The following TCTN2 variants were observed in gnomAD, a reference collection of about 807,000 sequenced individuals.
TCTN2 encodes the protein tectonic-2.
In TCTN2, 66 loss-of-function variants were observed where a neutral mutation model predicts 83.4. That is an observed-to-expected ratio of 0.79 (90% confidence interval 0.65 to 0.97). The LOEUF is 0.97. TCTN2 is among the 50% of genes least tolerant of loss of function. The pLI, the probability that TCTN2 is intolerant of heterozygous loss-of-function variation, is 0.00. For missense variants in TCTN2, 794 were observed against 858.1 expected (o/e 0.93, Z 0.93); for synonymous variants, 301 against 326.7 (o/e 0.92, Z 0.85).
In TCTN2 at chr12:123,706,822, T is replaced by C. The variant is rs1223754823; in HGVS notation, c.1866T>C (p.Ile622=). ...PISASVQFIK[I]PAQLPHPLTR... ...GTGCATCCGTCCAGTTTATTAAAAT[T>C]CCTGCACAGTTACCCCACCCCCTGA... is the stretch of plus-strand genomic sequence containing the variant. The change falls in exon 16 of 18, where the codon ATT becomes ATC. Residue 622 remains isoleucine (I), a synonymous_variant. Transcript: ENST00000303372. 1 of 1,614,176 alleles carries C rather than the reference T, an allele frequency of 6.2e-7. No homozygotes were observed. Among genetic ancestry groups the C allele is most frequent in the Non-Finnish European group, 8.5e-7 (1 of 1,180,030 alleles).
At chr12:123,687,132 AACCCCTC>A in intron 6 of TCTN2, 97 bp downstream of exon 6, 1 of 1,413,512 alleles carries the variant, frequency 7.1e-7, no homozygotes, top group South Asian at 1.2e-5. Flanking sequence ...CGTTTTTCCC[AACCCCTC>A]TCCAGAGGTT....
In TCTN2 at chr12:123,704,446, A is replaced by G. The variant is rs1053280889; in HGVS notation, c.1613-86A>G. On this transcript the variant is annotated intron_variant, in intron 14 of 17. Transcript: ENST00000303372. ...CTCATTAATGTGATGCCTGCCTGAT[A>G]TTATTCCCCATTTTGGTTATTACGA... The G allele has an allele frequency of 3.6e-6, 5 of 1,393,896 alleles. No individual in the cohort carries two copies. In the African/African-American group the frequency reaches 5.7e-5, roughly 16 times the overall value. 86.3% of individuals were successfully genotyped at this position (1,393,896 alleles called of 1,614,324 possible).
At chr12:123,676,247 C>T (rs1407363398) in intron 4 of TCTN2, among the ~76,000 whole-genome samples, 1 of 151,858 alleles carries the variant, frequency 6.6e-6, no homozygotes, top group Non-Finnish European at 1.5e-5. Flanking sequence ...TCCATGTACT[C>T]CAGCCTGGTC....
At position 123,699,871 on chromosome 12, in the gene TCTN2, T is replaced by G. The variant is rs1956152313; in HGVS notation, c.1612+61T>G. On this transcript the variant is annotated intron_variant, in intron 14 of 17. Transcript: ENST00000303372. ...TGGTTGCTGTGACTACCAACTGTAG[T>G]CGCAGCATTAGAGCCCAACCCAGTA... The G allele has an allele frequency of 2.2e-6, 3 of 1,364,274 alleles. No individual in the cohort carries two copies. The East Asian group carries it at 6.9e-5, about 31-fold the overall frequency. 84.5% of individuals were successfully genotyped at this position (1,364,274 alleles called of 1,614,324 possible).
chr12:123,679,144 C>T (rs375892467), intron 4 of TCTN2, 45 bp from the exon 5 acceptor site: 124 of 1,511,032 alleles, frequency 8.2e-5, no homozygotes, highest in South Asian at 5.6e-4. Flanking sequence ...TGTGCTTTGT[C>T]GGAATGTTTC....
Position 123,707,665 on chromosome 12 carries a change from C to G in TCTN2, c.2046C>G (p.Ala682=), listed in dbSNP as rs760772823. Residue 682 remains alanine, a synonymous_variant, in exon 18 of 18, where the codon GCC becomes GCG. Transcript: ENST00000303372. ...GLLLLLFLTL[A]LFLSNPWTRI... ...TGTTGCTGTTGTTCCTCACATTGGCCTTGTTCCTCAGCAACCCCTGGACCA... is the reference window on the plus strand; with the variant it reads ...TGTTGCTGTTGTTCCTCACATTGGCGTTGTTCCTCAGCAACCCCTGGACCA... 2 of 1,614,166 alleles carry G rather than the reference C, an allele frequency of 1.2e-6. No individual in the cohort carries two copies. Among genetic ancestry groups the G allele is most frequent in the Non-Finnish European group, 1.7e-6 (2 of 1,180,032 alleles).
intron 11 of TCTN2, chr12:123,695,748 C>T (rs1956100076): frequency 6.2e-6 from 1 of 161,972 alleles, no homozygotes; most frequent in African/African-American, 2.4e-5. Flanking sequence ...GAATTCCTGA[C>T]CTCAAGTGAT....
intron 5 of TCTN2, among the ~76,000 whole-genome samples, chr12:123,684,601 T>C (rs999741590): frequency 2.6e-5 from 4 of 151,840 alleles, no homozygotes; most frequent in Non-Finnish European, 5.9e-5. Flanking sequence ...AGTTTTGCCA[T>C]GTTCACCAGG....
chr12:123,690,714 C>A, intron 8 of TCTN2, 40 bp downstream of exon 8: 3 of 1,609,598 alleles, frequency 1.9e-6, no homozygotes, highest in Non-Finnish European at 2.5e-6. Context: ...CAGGCCCAAA[C>A]ATGAATATAA....
chr12:123,677,188 A>G (rs1198390970), intron 4 of TCTN2, among the ~76,000 whole-genome samples: 1 of 151,302 alleles, frequency 6.6e-6, no homozygotes, highest in East Asian at 1.9e-4. Context: ...CTCAAAAAAA[A>G]ATCAATAAAG....
rs11337232 is a variant in TCTN2 at position 123,696,174 on chromosome 12, A to AT, written c.1313-229dup. 14,150 of 430,506 alleles carry AT rather than the reference A, an allele frequency of 0.033. 41 individuals carry two copies. Among genetic ancestry groups the AT allele is most frequent in the South Asian group, 0.056 (2,188 of 39,034 alleles). The allele number at this position is 430,506 out of a possible 1,614,324, so 26.7% of individuals were successfully genotyped here. ...GGTATTCTTTTTGTGATAACAATGT[A>AT]TTTTTTTTTTTTACATAGTCTGTTG... On this transcript the variant is annotated intron_variant, in intron 11 of 17. Coordinates refer to ENST00000303372, the MANE Select transcript of TCTN2 (RefSeq NM_024809.5).
chr12:123,683,092 C>T (rs575535121), intron 5 of TCTN2, among the ~76,000 whole-genome samples: 35 of 151,204 alleles, frequency 2.3e-4, no homozygotes, highest in African/African-American at 7.3e-4. Context: ...ACGTGGTGGC[C>T]GGTGCCTGTA....
intron 12 of TCTN2, 69 bp downstream of exon 12, chr12:123,696,564 A>G (rs1270823894): frequency 7.3e-7 from 1 of 1,369,888 alleles, no homozygotes; most frequent in African/African-American, 1.4e-5. Context: ...CATATTTTGA[A>G]TCTAATCAAG....
Position 123,688,130 on chromosome 12 carries a change from G to C in TCTN2, c.844G>C (p.Gly282Arg), listed in dbSNP as rs913341045. Residue 282 changes from glycine to arginine, a missense_variant, in exon 7 of 18, where the codon GGA becomes CGA. Gly to Arg is a moderately radical substitution (Grantham distance 125). Coordinates refer to ENST00000303372, the MANE Select transcript of TCTN2 (RefSeq NM_024809.5). ...CTTTGCAGACTTTGGTTACAAACAA[G>C]GAGATCCCATTATGACTGTAAAGAA... is the stretch of plus-strand genomic sequence containing the variant. ...KDFADFGYKQ[G>R]DPIMTVKKAY... 5 of 1,613,722 alleles carry C rather than the reference G, an allele frequency of 3.1e-6. No individual in the cohort carries two copies. The highest frequency in any genetic ancestry group is 4.2e-6 in the Non-Finnish European group (5 of 1,179,894).
chr12:123,671,368 A>G, intron 1 of TCTN2, 46 bp downstream of exon 1: 1 of 1,606,210 alleles, frequency 6.2e-7, no homozygotes, highest in Non-Finnish European at 8.5e-7. Context: ...GGCTGAGGGG[A>G]CTGGGCGTTA....
chr12:123,704,581 C>G lies in TCTN2; in HGVS notation c.1662C>G (p.Asn554Lys). The G allele has an allele frequency of 6.2e-7, 1 of 1,613,198 alleles. No individual in the cohort carries two copies. Among genetic ancestry groups the G allele is most frequent in the Non-Finnish European group, 8.5e-7 (1 of 1,179,870 alleles). ...PGADPLASSV[N>K]GMCLDIPAHL... The stretch of plus-strand genomic sequence containing the variant: ...CAGACCCGCTGGCTAGCAGTGTGAA[C>G]GGCATGTGCCTGGATATTCCTGCTC... The change falls in exon 15 of 18, where the codon AAC becomes AAG. Residue 554 changes from asparagine to lysine, a missense_variant. Asn to Lys is a moderately conservative substitution (Grantham distance 94, BLOSUM62 0). Transcript: ENST00000303372.
At chr12:123,696,716 A>C (rs924505872) in intron 12 of TCTN2, 9 of 578,166 alleles carry the variant, frequency 1.6e-5, no homozygotes, top group South Asian at 5.8e-5. Flanking sequence ...GCTGGTTGCT[A>C]GTAGAAAAGA....
chr12:123,671,816 C>T (rs1001824213), intron 2 of TCTN2, among the ~76,000 whole-genome samples: 9 of 152,230 alleles, frequency 5.9e-5, no homozygotes, highest in Non-Finnish European at 1.0e-4. Context: ...TAATGGTTAG[C>T]ATTCATTGAG....
intron 14 of TCTN2, among the ~76,000 whole-genome samples, chr12:123,700,804 C>T (rs192651464): frequency 3.4e-4 from 52 of 152,208 alleles, no homozygotes; most frequent in African/African-American, 1.2e-3. Context: ...AAAAATTAGT[C>T]GAATGTGGTG....
Sources: gnomAD v4.1 joint callset for allele counts (sites outside exome capture counted in the v4.1 genomes callset) on GRCh38, gnomAD v4.1.1 for gene constraint, MANE v1.5 for transcripts, NCBI Gene and HGNC (gene_info 2026-07-23, HGNC 2026-07-21) for gene names.